Variants in MAN1A1 observed in about 807,000 individuals in gnomAD.
The protein encoded by MAN1A1 is mannosyl-oligosaccharide 1,2-alpha-mannosidase IA.
MAN1A1 carries 29 observed loss-of-function variants against 70.8 expected under a neutral mutation model. The ratio of observed to expected loss-of-function variants is 0.41; its 90% CI spans 0.31 to 0.56. The LOEUF is 0.56. MAN1A1 is among the 20% of genes least tolerant of loss of function. The pLI is 0.29. For synonymous variants in MAN1A1, 349 were observed against 330.1 expected, an observed-to-expected ratio of 1.06 and a Z score of -0.62; for missense variants, 747 against 841.3, an observed-to-expected ratio of 0.89 and a Z score of 1.39.
chr6:119,249,791 A>G (rs2114326878), intron 5 of MAN1A1, among the ~76,000 whole-genome samples: 1 of 152,224 alleles, frequency 6.6e-6, no homozygotes, highest in Non-Finnish European at 1.5e-5. Flanking sequence ...CCCAAGCCCT[A>G]TCTTTTGGAA....
intron 2 of MAN1A1, among the ~76,000 whole-genome samples, chr6:119,340,725 C>T (rs1773573982): frequency 6.6e-6 from 1 of 152,140 alleles, no homozygotes; most frequent in Non-Finnish European, 1.5e-5. Context: ...ATCTCCATGC[C>T]CTCTCTCATA....
chr6:119,272,187 T>C (rs1385886281), intron 5 of MAN1A1, among the ~76,000 whole-genome samples: 5 of 152,220 alleles, frequency 3.3e-5, no homozygotes. Flanking sequence ...ATTGTAAACA[T>C]ATACTTTCTA....
At chr6:119,229,507 T>C (rs1294210939) in intron 6 of MAN1A1, among the ~76,000 whole-genome samples, 2 of 152,206 alleles carry the variant, frequency 1.3e-5, no homozygotes, top group Non-Finnish European at 2.9e-5. Flanking sequence ...TTGGGAAATA[T>C]TACTTATCTA....
chr6:119,260,450 T>C (rs1235389905), intron 5 of MAN1A1, among the ~76,000 whole-genome samples: 1 of 152,248 alleles, frequency 6.6e-6, no homozygotes, highest in Non-Finnish European at 1.5e-5. Context: ...TACATACTTA[T>C]TTGTATATAT....
chr6:119,270,334 A>ATATTAT (rs1256808630), intron 5 of MAN1A1, among the ~76,000 whole-genome samples: 11 of 152,208 alleles, frequency 7.2e-5, no homozygotes, highest in African/African-American at 2.4e-4. Flanking sequence ...TCATATGCTC[A>ATATTAT]TATTAATATT....
At chr6:119,293,187 TC>T (rs375328437) in intron 4 of MAN1A1, among the ~76,000 whole-genome samples, 3 of 152,184 alleles carry the variant, frequency 2.0e-5, no homozygotes, top group African/African-American at 7.2e-5. Flanking sequence ...TATGTAGACA[TC>T]CGATAAAAAT....
chr6:119,252,697 C>T (rs1775352917), intron 5 of MAN1A1, among the ~76,000 whole-genome samples: 1 of 152,046 alleles, frequency 6.6e-6, no homozygotes, highest in Non-Finnish European at 1.5e-5. Flanking sequence ...GAGGCTGAGG[C>T]AGCAAAATCA....
At chr6:119,254,610 C>T (rs954380064) in intron 5 of MAN1A1, among the ~76,000 whole-genome samples, 1 of 152,164 alleles carries the variant, frequency 6.6e-6, no homozygotes, top group Non-Finnish European at 1.5e-5. Flanking sequence ...TGAAAAATTA[C>T]AGTTCATAAA....
intron 11 of MAN1A1, 29 bp downstream of exon 11, chr6:119,188,376 T>A: frequency 6.4e-7 from 1 of 1,555,344 alleles, no homozygotes. Context: ...GAAATTTATC[T>A]ATAAGAAACA....
Position 119,291,337 on chromosome 6 carries a change from CTT to C in MAN1A1, c.817-576_817-575del, listed in dbSNP as rs142283692. On this transcript the variant is annotated intron_variant, in intron 4 of 12. Coordinates refer to ENST00000368468, the MANE Select transcript of MAN1A1 (RefSeq NM_005907.4). ...TGAAACTGTTAAATCCATTAAACCTCTTTTTCTTCCCAGTCTCAGGTATGTCT... is the reference window on the plus strand; with the variant it reads ...TGAAACTGTTAAATCCATTAAACCTCTTTCTTCCCAGTCTCAGGTATGTCT... Among the ~76,000 whole-genome samples the C allele has an allele frequency of 9.4e-3, 1,426 of 152,116 alleles. 24 individuals carry two copies. Among genetic ancestry groups the C allele is most frequent in the African/African-American group, 0.033 (1,365 of 41,504 alleles).
chr6:119,211,090 C>G (rs1334480067), intron 6 of MAN1A1, among the ~76,000 whole-genome samples: 1 of 152,130 alleles, frequency 6.6e-6, no homozygotes, highest in Non-Finnish European at 1.5e-5. Flanking sequence ...GTTAGTTTGC[C>G]AAACATCTCT....
intron 1 of MAN1A1, 48 bp from the exon 2 acceptor site, chr6:119,349,335 G>C (rs1773838778): frequency 5.3e-6 from 6 of 1,139,090 alleles, no homozygotes; most frequent in African/African-American, 3.2e-5. Flanking sequence ...CGATGATAAA[G>C]TTTCCAGCGG....
chr6:119,243,818 C>T (rs1415256107), intron 6 of MAN1A1, among the ~76,000 whole-genome samples: 1 of 151,998 alleles, frequency 6.6e-6, no homozygotes, highest in Non-Finnish European at 1.5e-5. Flanking sequence ...AGGGGTTGTG[C>T]CTCATTCATC....
At chr6:119,255,156 T>C (rs1775426149) in intron 5 of MAN1A1, among the ~76,000 whole-genome samples, 1 of 152,098 alleles carries the variant, frequency 6.6e-6, no homozygotes, top group Non-Finnish European at 1.5e-5. Flanking sequence ...GAGCAAAGAA[T>C]AAGGAAAAAA....
intron 6 of MAN1A1, among the ~76,000 whole-genome samples, chr6:119,212,381 A>G (rs1444949298): frequency 6.6e-6 from 1 of 152,174 alleles, no homozygotes; most frequent in African/African-American, 2.4e-5. Flanking sequence ...CATAAAGGCC[A>G]ATATTAAGTG....
At chr6:119,318,835 C>A (rs1262872138) in intron 2 of MAN1A1, among the ~76,000 whole-genome samples, 1 of 152,178 alleles carries the variant, frequency 6.6e-6, no homozygotes, top group Non-Finnish European at 1.5e-5. Context: ...ACTTGGGCAT[C>A]CTACACGGGT....
intron 2 of MAN1A1, among the ~76,000 whole-genome samples, chr6:119,319,334 T>C (rs1772940417): frequency 6.6e-6 from 1 of 150,950 alleles, no homozygotes; most frequent in African/African-American, 2.4e-5. Context: ...TGATAGAGCC[T>C]GATTTTTTTT....
intron 5 of MAN1A1, among the ~76,000 whole-genome samples, chr6:119,264,031 A>T (rs749780630): frequency 6.6e-6 from 1 of 152,150 alleles, no homozygotes; most frequent in East Asian, 1.9e-4. Flanking sequence ...CATGAGGTCT[A>T]TTTTTTGTTT....
At chr6:119,273,083 G>GAAAAGTTAA (rs900307900) in intron 5 of MAN1A1, among the ~76,000 whole-genome samples, 5 of 152,142 alleles carry the variant, frequency 3.3e-5, no homozygotes, top group Admixed American at 2.0e-4. Context: ...ATTCTAGTAT[G>GAAAAGTTAA]AAAAGTTAAA....
Sources: gnomAD v4.1 joint callset for allele counts (sites outside exome capture counted in the v4.1 genomes callset) on GRCh38, gnomAD v4.1.1 for gene constraint, MANE v1.5 for transcripts, NCBI Gene and HGNC (gene_info 2026-07-23, HGNC 2026-07-21) for gene names.